FOXP2: variants seen among roughly 807,000 people sequenced by gnomAD.
FOXP2 encodes the protein forkhead box protein P2.
In FOXP2, 12 loss-of-function variants were observed where a neutral mutation model predicts 115.8. The ratio of observed to expected loss-of-function variants is 0.10; its 90% CI spans 0.07 to 0.17. FOXP2 has a LOEUF of 0.17. Ranked by LOEUF, FOXP2 falls within the 10% of genes least tolerant of loss-of-function variation. The pLI is 1.00. For synonymous variants in FOXP2, 328 were observed against 297.7 expected, an observed-to-expected ratio of 1.10 and a Z score of -1.05; for missense variants, 629 against 843.5, an observed-to-expected ratio of 0.75 and a Z score of 3.15.
chr7:114,174,438 G>A (rs1324409736), intron 1 of FOXP2, among the ~76,000 whole-genome samples: 1 of 151,956 alleles, frequency 6.6e-6, no homozygotes, highest in African/African-American at 2.4e-5. Context: ...TTTAAAACTG[G>A]AATATTTATA....
intron 2 of FOXP2, among the ~76,000 whole-genome samples, chr7:114,532,470 G>A (rs891460427): frequency 5.3e-5 from 8 of 151,778 alleles, no homozygotes; most frequent in Non-Finnish European, 8.8e-5. Flanking sequence ...AAACAGTATG[G>A]CACACTGGAA....
chr7:114,267,518 G>A lies in FOXP2; in HGVS notation c.-101-20501G>A, dbSNP rs559565920. Among the ~76,000 whole-genome samples the A allele has an allele frequency of 5.3e-5, 8 of 151,900 alleles. No individual in the cohort carries two copies. The South Asian group carries it at 8.3e-4, about 16-fold the overall frequency. On this transcript the variant is annotated intron_variant, in intron 1 of 17. Coordinates refer to the FOXP2 transcript ENST00000634411. ...CCAAGGCAAGCAGATCACGAGTTCA[G>A]GAGATCGAGACCATCCTGGCTAACA... is the stretch of plus-strand genomic sequence containing the variant.
intron 2 of FOXP2, among the ~76,000 whole-genome samples, chr7:114,516,761 T>C (rs1291541285): frequency 6.6e-6 from 1 of 152,056 alleles, no homozygotes; most frequent in Non-Finnish European, 1.5e-5. Context: ...AGTGGCGCAA[T>C]CTCTGCTCAC....
intron 2 of FOXP2, among the ~76,000 whole-genome samples, chr7:114,301,919 G>C (rs761046743): frequency 2.6e-5 from 4 of 152,006 alleles, no homozygotes; most frequent in Non-Finnish European, 5.9e-5. Context: ...GCTCATTGAA[G>C]GTAATTAAAA....
Position 114,662,293 on chromosome 7 carries a change from A to T in FOXP2, c.1769+107A>T, listed in dbSNP as rs368293532. ...AGACAGTTAGCTTAATGGCATGCTA[A>T]CATTCTCGTGGCAATGAACTGCATT... is the stretch of plus-strand genomic sequence containing the variant. On this transcript the variant is annotated intron_variant, in intron 14 of 16. Transcript: ENST00000350908. 3.1e-5 allele frequency: 46 copies of T among 1,468,032 alleles called. No individual in the cohort carries two copies. The African/African-American group carries it at 5.7e-4, about 18-fold the overall frequency. The allele number at this position is 1,468,032 out of a possible 1,614,324, so 90.9% of individuals were successfully genotyped here. A position where few individuals can be genotyped will look rare whatever the true frequency, so the allele number is the denominator to read the frequency against.
chr7:114,631,524 CCAGCAGCAG>C lies in FOXP2; in HGVS notation c.612_620del (p.Gln207_Gln209del). ...GTTTACTGGTTTGGGTTTTCTGATACCAGCAGCAGCAGCAGCAGCAGCAGCAACAGCAAT... is the reference window on the plus strand; with the variant it reads ...GTTTACTGGTTTGGGTTTTCTGATACCAGCAGCAGCAGCAGCAACAGCAAT... On this transcript the variant is annotated splice_acceptor_variant and splice_polypyrimidine_tract_variant and coding_sequence_variant and intron_variant, in exon 6 of 17. Coordinates refer to ENST00000350908, the MANE Select transcript of FOXP2 (RefSeq NM_014491.4). LOFTEE classifies it high-confidence loss of function. 1.5e-5 allele frequency: 24 copies of C among 1,553,696 alleles called. No homozygotes were observed. In the Admixed American group the frequency reaches 1.7e-4, roughly 11 times the overall value.
At chr7:114,330,231 A>G (rs963020042) in intron 2 of FOXP2, among the ~76,000 whole-genome samples, 1 of 152,092 alleles carries the variant, frequency 6.6e-6, no homozygotes, top group Non-Finnish European at 1.5e-5. Context: ...CTATTTATGC[A>G]TCTACTTCTT....
chr7:114,604,851 T>C (rs74322406), intron 3 of FOXP2, among the ~76,000 whole-genome samples: 1,528 of 152,258 alleles, frequency 0.01, 21 homozygotes, highest in African/African-American at 0.035. Flanking sequence ...AAAATGAAAC[T>C]GTAGTAAGCG....
chr7:114,198,032 T>G (rs540038582), intron 1 of FOXP2, among the ~76,000 whole-genome samples: 2 of 152,166 alleles, frequency 1.3e-5, no homozygotes, highest in African/African-American at 2.4e-5. Context: ...GCCCAGTTAA[T>G]TTTTGTATTT....
At chr7:114,220,249 A>G (rs1002624806) in intron 1 of FOXP2, among the ~76,000 whole-genome samples, 5 of 152,028 alleles carry the variant, frequency 3.3e-5, no homozygotes, top group Admixed American at 1.3e-4. Flanking sequence ...AAATATTGCA[A>G]TATAAAAAAA....
chr7:114,504,951 G>T (rs1488685395), intron 2 of FOXP2, among the ~76,000 whole-genome samples: 1 of 151,562 alleles, frequency 6.6e-6, no homozygotes, highest in Non-Finnish European at 1.5e-5. Flanking sequence ...TAAGTCTCCA[G>T]ACACAATTAG....
chr7:114,372,312 C>T (rs1377500579), intron 2 of FOXP2, among the ~76,000 whole-genome samples: 1 of 151,904 alleles, frequency 6.6e-6, no homozygotes, highest in Non-Finnish European at 1.5e-5. Context: ...CCCCAAAGAT[C>T]ATATAATGGG....
rs932213652 is a variant in FOXP2 at position 114,285,074 on chromosome 7, G to A, written c.-101-2945G>A. On this transcript the variant is annotated intron_variant, in intron 1 of 17. Transcript: ENST00000634411. ...GGGAGGATTAGAAAAAATAACTAAA[G>A]TGTACTAGGCTCAATACCTGCATGA... Among the ~76,000 whole-genome samples, 5 of 152,038 alleles carry A rather than the reference G, an allele frequency of 3.3e-5. No homozygotes were observed. The South Asian group carries it at 1.0e-3, about 31-fold the overall frequency.
intron 2 of FOXP2, among the ~76,000 whole-genome samples, chr7:114,522,529 C>T (rs1185929247): frequency 6.6e-6 from 1 of 152,140 alleles, no homozygotes; most frequent in African/African-American, 2.4e-5. Context: ...TATTTATATA[C>T]ATATTTTCTA....
intron 16 of FOXP2, among the ~76,000 whole-genome samples, chr7:114,676,075 ATT>A (rs11327459): frequency 0.17 from 15,680 of 89,730 alleles, 1,116 homozygotes; most frequent in Middle Eastern, 0.3. Context: ...AGGCCCGGCT[ATT>A]TTTTTTTTTT....
At chr7:114,171,087 C>T (rs999655461) in intron 1 of FOXP2, among the ~76,000 whole-genome samples, 2 of 152,164 alleles carry the variant, frequency 1.3e-5, no homozygotes, top group South Asian at 2.1e-4. Context: ...AGCCAGTGCT[C>T]ATTTACCATT....
chr7:114,483,117 CT>C (rs558377232), intron 2 of FOXP2, among the ~76,000 whole-genome samples: 4 of 150,984 alleles, frequency 2.6e-5, no homozygotes, highest in South Asian at 2.1e-4. Context: ...TGTTTCTTTT[CT>C]TTTTTTTTCC....
intron 3 of FOXP2, among the ~76,000 whole-genome samples, chr7:114,566,072 C>T (rs2129293545): frequency 6.6e-6 from 1 of 152,256 alleles, no homozygotes; most frequent in African/African-American, 2.4e-5. Context: ...GCTACATTGT[C>T]CCTGGGACAG....
chr7:114,689,700 G>T, intron 16 of FOXP2, 82 bp from the exon 17 acceptor site: 4 of 1,450,720 alleles, frequency 2.8e-6, no homozygotes, highest in Non-Finnish European at 3.8e-6. Flanking sequence ...CCTTTTTTCA[G>T]TTGACCTCTT....
Sources: allele counts gnomAD v4.1 joint callset (sites outside exome capture counted in the v4.1 genomes callset), GRCh38; gene constraint gnomAD v4.1.1; transcripts MANE v1.5; gene names NCBI Gene and HGNC (gene_info 2026-07-23, HGNC 2026-07-21).